Variants in TNKS2 observed in about 807,000 individuals in gnomAD.
TNKS2 encodes poly [ADP-ribose] polymerase tankyrase-2.
A neutral mutation model predicts 137.6 loss-of-function variants in TNKS2; 72 were observed. The observed-to-expected ratio is 0.52, with a 90% CI of 0.43 to 0.64. TNKS2 has a LOEUF of 0.64. Among genes scored for constraint, TNKS2 ranks in the 30% least tolerant of loss-of-function variants. TNKS2 has a pLI of 0.00. For synonymous variants in TNKS2, 516 were observed against 512.1 expected (o/e 1.01, Z -0.10); for missense variants, 1,049 against 1,410.2 (o/e 0.74, Z 4.10).
At chr10:91,844,271 T>A (rs1273262186) in intron 16 of TNKS2, among the ~76,000 whole-genome samples, 1 of 152,252 alleles carries the variant, frequency 6.6e-6, no homozygotes, top group Non-Finnish European at 1.5e-5. Context: ...GGTAGTTTTA[T>A]AATTGTATTC....
rs1172832804 is a variant in TNKS2 at position 91,855,138 on chromosome 10, T to C, written c.2913+12T>C. ...CTGTGGAGGAAGAGGTATGTTCATA[T>C]AACTTCAATAGTAGGTTTGCCGTAT... On this transcript the variant is annotated intron_variant, in intron 22 of 26. Transcript: ENST00000371627. 2 of 1,479,284 alleles carry C rather than the reference T, an allele frequency of 1.4e-6. No individual in the cohort carries two copies. Among genetic ancestry groups the C allele is most frequent in the African/African-American group, 1.4e-5 (1 of 72,252 alleles). The allele number at this position is 1,479,284 out of a possible 1,614,324, so 91.6% of individuals were successfully genotyped here.
rs1368632776 is a variant in TNKS2, at chr10:91,841,283, A to G, written c.1674A>G (p.Gly558=). 8 of 1,514,684 alleles carry G rather than the reference A, an allele frequency of 5.3e-6. No homozygotes were observed. In the Admixed American group the frequency reaches 9.1e-5, roughly 17 times the overall value. 93.8% of individuals were successfully genotyped at this position (1,514,684 alleles called of 1,614,324 possible). A position where few individuals can be genotyped will look rare whatever the true frequency, so the allele number is the denominator to read the frequency against. ...HGADVHAKDK[G]GLVPLHNACS... ...TTATTGTTCATTTATTACTTTTCAG[A>G]GGCCTTGTACCTTTGCACAATGCAT... The change falls in exon 15 of 27, where the codon GGA becomes GGG. Residue 558 remains glycine, a splice_region_variant and synonymous_variant. Transcript: ENST00000371627.
At chr10:91,807,093 A>C in intron 1 of TNKS2, 4 of 1,458,952 alleles carry the variant, frequency 2.7e-6, no homozygotes. Context: ...ACTTAGTTAC[A>C]TAAAGTACTT....
In TNKS2 at chr10:91,857,427, T is replaced by C; in HGVS notation, c.2991T>C (p.Ile997=). 6.3e-7 allele frequency: 1 copy of C among 1,598,200 alleles called. No homozygotes were observed. The highest frequency in any genetic ancestry group is 8.5e-7 in the Non-Finnish European group (1 of 1,171,494). Residue 997 remains isoleucine, a splice_region_variant and synonymous_variant, in exon 24 of 27, where the codon ATT becomes ATC. Transcript: ENST00000371627. ...GIFNRYNILK[I]QKVCNKKLWE... ...TTTTTCTGGTTTATTTTTTATAGAT[T>C]CAGAAGGTTTGTAACAAGAAACTAT...
chr10:91,809,713 A>G (rs1382427583), intron 1 of TNKS2, among the ~76,000 whole-genome samples: 1 of 152,018 alleles, frequency 6.6e-6, no homozygotes, highest in African/African-American at 2.4e-5. Flanking sequence ...CACCTAGACT[A>G]TGGCACATAG....
chr10:91,803,326 A>G (rs61874697), intron 1 of TNKS2, among the ~76,000 whole-genome samples: 106 of 152,316 alleles, frequency 7.0e-4, no homozygotes, highest in Middle Eastern at 3.4e-3. Context: ...CAGCCTGGGC[A>G]ACAATGGTGA....
intron 3 of TNKS2, among the ~76,000 whole-genome samples, chr10:91,818,785 A>C (rs997280781): frequency 6.6e-6 from 1 of 152,134 alleles, no homozygotes; most frequent in Non-Finnish European, 1.5e-5. Flanking sequence ...CACCCACCTC[A>C]GCCTCCCAAA....
rs1344086734 is a variant in TNKS2 at position 91,859,510 on chromosome 10, A to ATGC, written c.3144_3146dup (p.Ala1049dup). The ATGC allele has an allele frequency of 1.2e-6, 2 of 1,613,442 alleles. No homozygotes were observed. The highest frequency in any genetic ancestry group is 1.7e-6 in the Non-Finnish European group (2 of 1,179,648). On this transcript the variant is annotated inframe_insertion, in exon 25 of 27. Transcript: ENST00000371627. ...ATCCACAAAGGCTTTGATGAAAGGCATGCGTACATAGGTGGTATGTTTGGA... is the reference window on the plus strand; with the variant it reads ...ATCCACAAAGGCTTTGATGAAAGGCATGCTGCGTACATAGGTGGTATGTTTGGA...
At chr10:91,804,793 G>A (rs2133585740) in intron 1 of TNKS2, among the ~76,000 whole-genome samples, 1 of 152,282 alleles carries the variant, frequency 6.6e-6, no homozygotes, top group Non-Finnish European at 1.5e-5. Flanking sequence ...TTTCACTCTT[G>A]TCGCCCAGGC....
intron 5 of TNKS2, 66 bp downstream of exon 5, chr10:91,819,623 C>A: frequency 8.1e-7 from 1 of 1,230,184 alleles, no homozygotes; most frequent in Non-Finnish European, 1.1e-6. Flanking sequence ...ATGTGTTTAT[C>A]TTATGATAAA....
intron 3 of TNKS2, among the ~76,000 whole-genome samples, chr10:91,817,529 T>C (rs1844746703): frequency 6.6e-6 from 1 of 152,188 alleles, no homozygotes. Context: ...ACCCCTGAGT[T>C]TTTCAGATAA....
chr10:91,845,706 G>A, intron 17 of TNKS2, 46 bp from the exon 18 acceptor site: 1 of 1,370,658 alleles, frequency 7.3e-7, no homozygotes, highest in East Asian at 2.6e-5. Context: ...AAAGTAAAGT[G>A]TGACAAAATA....
Position 91,842,258 on chromosome 10 carries a change from G to A in TNKS2, c.1926G>A (p.Leu642=). 1 of 1,614,024 alleles carries A rather than the reference G, an allele frequency of 6.2e-7. No individual in the cohort carries two copies. The highest frequency in any genetic ancestry group is 8.5e-7 in the Non-Finnish European group (1 of 1,179,982). The change falls in exon 16 of 27, where the codon CTG becomes CTA. Residue 642 remains leucine (L), a synonymous_variant. Coordinates refer to ENST00000371627, the MANE Select transcript of TNKS2 (RefSeq NM_025235.4). ...VKDGDTDIQD[L]LRGDAALLDA... ...ATGGAGATACAGATATTCAAGATCT[G>A]CTTAGGGGAGATGCAGCTTTGCTAG...
chr10:91,819,304 C>T lies in TNKS2; in HGVS notation c.555C>T (p.Ala185=). The change falls in exon 4 of 27, where the codon GCC becomes GCT. Residue 185 remains alanine, a splice_region_variant and synonymous_variant. Transcript: ENST00000371627. ...EYKKDELLES[A]RSGNEEKMMA... ...AGAAAGATGAACTCTTAGAAAGTGC[C>T]AGGTACGTACTAATGTTATAAATAT... 1 of 1,468,996 alleles carries T rather than the reference C, an allele frequency of 6.8e-7. No homozygotes were observed. The highest frequency in any genetic ancestry group is 9.0e-7 in the Non-Finnish European group (1 of 1,106,142). 91.0% of individuals were successfully genotyped at this position (1,468,996 alleles called of 1,614,324 possible).
intron 21 of TNKS2, among the ~76,000 whole-genome samples, chr10:91,851,741 T>A (rs977022793): frequency 6.6e-6 from 1 of 152,210 alleles, no homozygotes; most frequent in African/African-American, 2.4e-5. Flanking sequence ...AGTACTATAG[T>A]AGATCTCTTA....
chr10:91,836,000 C>CGTGTGTGTGT (rs58777939), intron 12 of TNKS2, among the ~76,000 whole-genome samples: 2 of 113,030 alleles, frequency 1.8e-5, no homozygotes, highest in African/African-American at 7.0e-5. Context: ...ATAAGAATAC[C>CGTGTGTGTGT]GTGTGTGTGT....
At chr10:91,802,859 C>T (rs1459810291) in intron 1 of TNKS2, among the ~76,000 whole-genome samples, 1 of 152,166 alleles carries the variant, frequency 6.6e-6, no homozygotes, top group East Asian at 1.9e-4. Flanking sequence ...AGCAGGAAAC[C>T]CTAGTGTCAA....
intron 13 of TNKS2, among the ~76,000 whole-genome samples, chr10:91,838,358 ATTC>A (rs1358315154): frequency 3.9e-5 from 6 of 152,082 alleles, no homozygotes; most frequent in Non-Finnish European, 8.8e-5. Context: ...TCCATCAGCC[ATTC>A]TTCTTATCTA....
At chr10:91,842,651 TG>T (rs1842243997) in intron 16 of TNKS2, among the ~76,000 whole-genome samples, 1 of 152,076 alleles carries the variant, frequency 6.6e-6, no homozygotes, top group South Asian at 2.1e-4. Flanking sequence ...GGTGTGCACC[TG>T]TAGTCCCAGC....
Sources: allele counts gnomAD v4.1 joint callset (sites outside exome capture counted in the v4.1 genomes callset), GRCh38; gene constraint gnomAD v4.1.1; transcripts MANE v1.5; gene names NCBI Gene and HGNC (gene_info 2026-07-23, HGNC 2026-07-21).